BRINP1: variants seen among roughly 807,000 people sequenced by gnomAD.
The protein encoded by BRINP1 is BMP/retinoic acid-inducible neural-specific protein 1.
In BRINP1, 17 loss-of-function variants were observed where a neutral mutation model predicts 72.9. The ratio of observed to expected loss-of-function variants is 0.23; its 90% CI spans 0.16 to 0.35. The LOEUF (loss-of-function observed/expected upper bound fraction) is 0.35, where lower values mean the gene tolerates loss of function less well. BRINP1 is among the 10% of genes least tolerant of loss of function. The pLI is 1.00. For missense variants in BRINP1, 850 were observed against 1,001.6 expected, an observed-to-expected ratio of 0.85 and a Z score of 2.04; for synonymous variants, 418 against 378.5, an observed-to-expected ratio of 1.10 and a Z score of -1.21.
chr9:119,204,108 C>T (rs947760941), intron 7 of BRINP1, among the ~76,000 whole-genome samples: 2 of 152,176 alleles, frequency 1.3e-5, no homozygotes, highest in African/African-American at 4.8e-5. Flanking sequence ...GTGGGCACTC[C>T]AGTGACAGCC....
At chr9:119,168,839 ATGGAGAAGGTG>A (rs1454049192) in intron 7 of BRINP1, among the ~76,000 whole-genome samples, 2 of 152,148 alleles carry the variant, frequency 1.3e-5, no homozygotes, top group South Asian at 2.1e-4. Context: ...CCAACAGATG[ATGGAGAAGGTG>A]TGGAGAAACA....
At chr9:119,198,559 C>A (rs1829769840) in intron 7 of BRINP1, among the ~76,000 whole-genome samples, 2 of 152,046 alleles carry the variant, frequency 1.3e-5, no homozygotes. Context: ...TAGGCTCGTG[C>A]TTTATTTTAC....
rs1317339219 is a variant in BRINP1, at chr9:119,167,476, C to G, written c.1894G>C (p.Glu632Gln). Residue 632 changes from glutamate to glutamine, a missense_variant, in exon 8 of 8, where the codon GAG (glutamate) becomes CAG (glutamine). By Grantham distance (29) the Glu-to-Gln change is conservative. Transcript: ENST00000265922. The surrounding 1 kb of genome is among the most constrained non-coding windows in gnomAD (Gnocchi z 4.3). ...AGGTCCACGGGGCCCTGGCCAGTCTCATTTCGCAGTAGGGTAGGTAGCCGA... is the reference window on the plus strand; with the variant it reads ...AGGTCCACGGGGCCCTGGCCAGTCTGATTTCGCAGTAGGGTAGGTAGCCGA... ...RTRLPTLLRN[E>Q]TGQGPVDLSD... 1 of 1,614,154 alleles carries G rather than the reference C, an allele frequency of 6.2e-7. No homozygotes were observed. The highest frequency in any genetic ancestry group is 1.7e-5 in the Admixed American group (1 of 60,026).
chr9:119,274,500 AT>A (rs1830635354), intron 2 of BRINP1, among the ~76,000 whole-genome samples: 6 of 152,340 alleles, frequency 3.9e-5, no homozygotes, highest in Non-Finnish European at 8.8e-5. Context: ...AATTCATTTC[AT>A]TGGACTAAGC....
intron 7 of BRINP1, among the ~76,000 whole-genome samples, chr9:119,190,615 C>G (rs1048636198): frequency 6.6e-5 from 10 of 151,754 alleles, no homozygotes; most frequent in Non-Finnish European, 1.3e-4. Context: ...AAAAAGAAAA[C>G]CTGAACAGAC....
chr9:119,321,411 G>C (rs534551046), intron 1 of BRINP1, among the ~76,000 whole-genome samples: 1 of 152,346 alleles, frequency 6.6e-6, no homozygotes, highest in African/African-American at 2.4e-5. Flanking sequence ...AGTCCAAATG[G>C]AGGTGTGCTA....
intron 2 of BRINP1, among the ~76,000 whole-genome samples, chr9:119,311,546 T>A (rs938059756): frequency 2.5e-4 from 38 of 152,270 alleles, no homozygotes; most frequent in Admixed American, 2.0e-3. Flanking sequence ...CTTTAATCAA[T>A]CCTTAGGTTT....
At chr9:119,329,546 C>G (rs1447007831) in intron 1 of BRINP1, among the ~76,000 whole-genome samples, 2 of 152,154 alleles carry the variant, frequency 1.3e-5, no homozygotes, top group African/African-American at 4.8e-5. Flanking sequence ...AGCACTCTGC[C>G]TCTTCCCACT....
chr9:119,253,621 G>A lies in BRINP1; in HGVS notation c.219-4471C>T, dbSNP rs567868518. On this transcript the variant is annotated intron_variant, in intron 2 of 7. Coordinates refer to ENST00000265922, the MANE Select transcript of BRINP1 (RefSeq NM_014618.3). ...CTGGGAAGGATAGTTGGGGAGGAAC[G>A]AAGGGAAAAATAAAACATATAAATG... Among the ~76,000 whole-genome samples the A allele has an allele frequency of 1.9e-4, 29 of 152,150 alleles. No individual in the cohort carries two copies. In the East Asian group the frequency reaches 3.5e-3, roughly 18 times the overall value.
intron 2 of BRINP1, among the ~76,000 whole-genome samples, chr9:119,261,640 G>A (rs1830496096): frequency 6.6e-6 from 1 of 151,994 alleles, no homozygotes; most frequent in East Asian, 1.9e-4. Context: ...TGAGCATAAG[G>A]TATTTGATGG....
intron 2 of BRINP1, among the ~76,000 whole-genome samples, chr9:119,264,851 T>G (rs1830532405): frequency 6.6e-6 from 1 of 152,138 alleles, no homozygotes; most frequent in South Asian, 2.1e-4. Context: ...TTTTGTATTT[T>G]TAGTAGAGAC....
At chr9:119,219,536 C>T (rs973233271) in intron 5 of BRINP1, among the ~76,000 whole-genome samples, 1 of 151,110 alleles carries the variant, frequency 6.6e-6, no homozygotes, top group Non-Finnish European at 1.5e-5. Flanking sequence ...TTCTGCTTCC[C>T]TTCTTTCACA....
At chr9:119,189,468 G>A (rs1829660760) in intron 7 of BRINP1, among the ~76,000 whole-genome samples, 1 of 152,122 alleles carries the variant, frequency 6.6e-6, no homozygotes, top group Non-Finnish European at 1.5e-5. Context: ...GTGAAGGGAT[G>A]TAAGAAGACA....
At chr9:119,366,475 GTCTC>G (rs1456687383) in intron 1 of BRINP1, among the ~76,000 whole-genome samples, 1 of 145,518 alleles carries the variant, frequency 6.9e-6, no homozygotes, top group African/African-American at 2.6e-5. Flanking sequence ...TTCTCTCTCT[GTCTC>G]TCTCTCAGTC....
chr9:119,196,089 C>T (rs1247466655), intron 7 of BRINP1, among the ~76,000 whole-genome samples: 2 of 152,116 alleles, frequency 1.3e-5, no homozygotes, highest in Admixed American at 6.6e-5. Context: ...ATAGGATTCA[C>T]TTAGGGGAAC....
At chr9:119,241,706 C>T (rs544594123) in intron 4 of BRINP1, among the ~76,000 whole-genome samples, 2 of 152,210 alleles carry the variant, frequency 1.3e-5, no homozygotes, top group South Asian at 2.1e-4. Flanking sequence ...TCTGAGACCT[C>T]GGGAAAATCA....
intron 7 of BRINP1, among the ~76,000 whole-genome samples, chr9:119,172,287 G>A (rs900090505): frequency 2.2e-4 from 33 of 152,112 alleles, no homozygotes; most frequent in African/African-American, 8.0e-4. Flanking sequence ...AATAAAAAAT[G>A]ATAAAGGGGA....
chr9:119,339,912 G>A (rs1831390164), intron 1 of BRINP1, among the ~76,000 whole-genome samples: 1 of 152,102 alleles, frequency 6.6e-6, no homozygotes, highest in South Asian at 2.1e-4. Flanking sequence ...GAACAGTCTT[G>A]TTCCACTATT....
chr9:119,193,309 A>G (rs1479059125), intron 7 of BRINP1, among the ~76,000 whole-genome samples: 1 of 152,158 alleles, frequency 6.6e-6, no homozygotes, highest in Non-Finnish European at 1.5e-5. Context: ...TAAGTGAAAT[A>G]ATCCAGACAC....
Sources: allele counts gnomAD v4.1 joint callset (sites outside exome capture counted in the v4.1 genomes callset), GRCh38; gene constraint gnomAD v4.1.1; non-coding constraint Gnocchi (gnomAD v3.1); transcripts MANE v1.5; gene names NCBI Gene and HGNC (gene_info 2026-07-23, HGNC 2026-07-21).